Variants in RSAD2 observed in about 807,000 individuals in gnomAD.
RSAD2 encodes S-adenosylmethionine-dependent nucleotide dehydratase RSAD2.
A neutral mutation model predicts 37.7 loss-of-function variants in RSAD2; 38 were observed. The ratio of observed to expected loss-of-function variants is 1.01; its 90% CI spans 0.78 to 1.32. The LOEUF is 1.32. Ranked by LOEUF, RSAD2 falls within the 40% of genes most tolerant of loss-of-function variation. The pLI is 0.00. For missense variants in RSAD2, 428 were observed against 437.5 expected (o/e 0.98, Z 0.19); for synonymous variants, 163 against 157.4 (o/e 1.04, Z -0.27).
chr2:6,865,912 G>A, exon 1 of RSAD2: 1 of 1,407,576 alleles, frequency 7.1e-7, no homozygotes, highest in African/African-American at 1.5e-5. Flanking sequence ...AGATGTGCGC[G>A]ATAAACGGCC....
upstream of RSAD2, chr2:6,877,084 CG>C (rs1663295420): frequency 6.6e-6 from 1 of 152,148 alleles, no homozygotes; most frequent in South Asian, 2.1e-4. Context: ...AATGATGTGT[CG>C]CAGTAATTCT....
At chr2:6,879,735 C>T (rs905445524) in intron 1 of RSAD2, among the ~76,000 whole-genome samples, 1 of 151,950 alleles carries the variant, frequency 6.6e-6, no homozygotes. Flanking sequence ...ATTTTACCCT[C>T]CTGTGTGTCT....
chr2:6,883,573 A>G (rs999152729), intron 2 of RSAD2, 41 bp downstream of exon 2: 2 of 1,604,366 alleles, frequency 1.2e-6, no homozygotes, highest in African/African-American at 2.7e-5. Flanking sequence ...TGCTATTGCT[A>G]TTTTTATTGT....
chr2:6,890,007 A>C (rs1350965620), intron 3 of RSAD2, among the ~76,000 whole-genome samples, 169 bp from the exon 4 acceptor site: 1 of 152,190 alleles, frequency 6.6e-6, no homozygotes, highest in Non-Finnish European at 1.5e-5. Context: ...CATATTCCTA[A>C]ATTTCAGGGC....
intron 3 of RSAD2, 97 bp from the exon 4 acceptor site, chr2:6,890,079 T>G (rs753951385): frequency 1.7e-6 from 2 of 1,167,942 alleles, no homozygotes; most frequent in Non-Finnish European, 2.5e-6. Context: ...AGAGTCTCTT[T>G]GCTCAGAAGA....
Position 6,879,153 on chromosome 2 carries a change from G to A in RSAD2, c.346+1007G>A, listed in dbSNP as rs150114991. On this transcript the variant is annotated intron_variant, in intron 1 of 5. Transcript: ENST00000382040. ...ATTGGATCTGACTTCTTTGCTCCACGTTACATTGGCTTAGTTACCCAAAGC... is the reference window on the plus strand; with the variant it reads ...ATTGGATCTGACTTCTTTGCTCCACATTACATTGGCTTAGTTACCCAAAGC... 4.8e-4 allele frequency: 211 copies of A among 438,276 alleles called. 3 individuals are homozygous for A. The East Asian group carries it at 0.014, about 29-fold the overall frequency. The allele number at this position is 438,276 out of a possible 1,614,324, so 27.1% of individuals were successfully genotyped here.
chr2:6,871,418 T>TTTATG (rs1446273714), intron 1 of RSAD2, among the ~76,000 whole-genome samples: 3 of 152,258 alleles, frequency 2.0e-5, no homozygotes, highest in Non-Finnish European at 4.4e-5. Flanking sequence ...ATTCCTGTGA[T>TTTATG]TTATGTTACT....
chr2:6,879,615 G>A (rs1397133774), intron 1 of RSAD2, among the ~76,000 whole-genome samples: 1 of 151,708 alleles, frequency 6.6e-6, no homozygotes, highest in African/African-American at 2.4e-5. Context: ...TCACTTATGA[G>A]CTTATAGCAG....
intron 2 of RSAD2, among the ~76,000 whole-genome samples, chr2:6,884,280 G>T (rs1157614335): frequency 6.6e-6 from 1 of 152,196 alleles, no homozygotes; most frequent in African/African-American, 2.4e-5. Flanking sequence ...GACTGTGGGG[G>T]AGGGACGCTG....
rs762527487 is a variant in RSAD2 at position 6,877,819 on chromosome 2, G to C, written c.19G>C (p.Ala7Pro). MWVLTPAAFAGKLLSVF... is the reference protein window; with the variant it reads MWVLTPPAFAGKLLSVF... ...TGCCACAATGTGGGTGCTTACACCT[G>C]CTGCTTTTGCTGGGAAGCTCTTGAG... Residue 7 changes from alanine to proline, a missense_variant, in exon 1 of 6, where the codon GCT becomes CCT. Physicochemically the swap from Ala to Pro is conservative, Grantham distance 27 (BLOSUM62 -1). Coordinates refer to ENST00000382040, the MANE Select transcript of RSAD2 (RefSeq NM_080657.5). The C allele has an allele frequency of 2.2e-5, 36 of 1,613,748 alleles. No homozygotes were observed. The highest frequency in any genetic ancestry group is 8.0e-5 in the African/African-American group (6 of 74,898).
At chr2:6,885,985 A>C (rs1663509753) in intron 2 of RSAD2, among the ~76,000 whole-genome samples, 1 of 152,240 alleles carries the variant, frequency 6.6e-6, no homozygotes, top group Non-Finnish European at 1.5e-5. Flanking sequence ...AAATTAGCCC[A>C]AAATAGGAGT....
At chr2:6,874,461 C>T (rs1463131522), upstream of RSAD2, among the ~76,000 whole-genome samples, 1 of 152,152 alleles carries the variant, frequency 6.6e-6, no homozygotes, top group Non-Finnish European at 1.5e-5. Context: ...GCAATTATTT[C>T]TACATTATTT....
chr2:6,884,639 G>A (rs988414884), intron 2 of RSAD2, among the ~76,000 whole-genome samples: 17 of 152,294 alleles, frequency 1.1e-4, no homozygotes, highest in African/African-American at 4.1e-4. Context: ...AATCTCTCAG[G>A]CTTGTGGGAG....
intron 1 of RSAD2, among the ~76,000 whole-genome samples, chr2:6,872,605 C>T (rs1432016643): frequency 6.6e-6 from 1 of 152,016 alleles, no homozygotes; most frequent in East Asian, 1.9e-4. Flanking sequence ...TTTTGTCTTA[C>T]AGTAAAATGA....
chr2:6,879,159 T>C (rs1397701834), intron 1 of RSAD2: 2 of 434,988 alleles, frequency 4.6e-6, no homozygotes, highest in Non-Finnish European at 9.5e-6. Context: ...CCACGTTACA[T>C]TGGCTTAGTT....
At chr2:6,883,240 T>G in intron 1 of RSAD2, 131 bp from the exon 2 acceptor site, 1 of 961,114 alleles carries the variant, frequency 1.0e-6, no homozygotes, top group Middle Eastern at 3.4e-4. Context: ...TGTTGGGAAC[T>G]AGGGTTAGGG....
At chr2:6,894,774 A>G (rs1400684393) in intron 5 of RSAD2, among the ~76,000 whole-genome samples, 1 of 152,268 alleles carries the variant, frequency 6.6e-6, no homozygotes, top group African/African-American at 2.4e-5. Context: ...AAGTTAACCA[A>G]TCATTGTTTA....
At chr2:6,880,946 T>C (rs142279988) in intron 1 of RSAD2, among the ~76,000 whole-genome samples, 102 of 152,246 alleles carry the variant, frequency 6.7e-4, no homozygotes, top group African/African-American at 2.1e-3. Flanking sequence ...CTGAATAGAA[T>C]TAAAAATAAT....
intron 3 of RSAD2, among the ~76,000 whole-genome samples, chr2:6,889,122 T>G (rs1415702339): frequency 6.6e-6 from 1 of 152,142 alleles, no homozygotes; most frequent in East Asian, 1.9e-4. Flanking sequence ...GGAGTCAAAG[T>G]CCCTGGAAAA....
Sources: gnomAD v4.1 joint callset for allele counts (sites outside exome capture counted in the v4.1 genomes callset) on GRCh38, gnomAD v4.1.1 for gene constraint, MANE v1.5 for transcripts, NCBI Gene and HGNC (gene_info 2026-07-23, HGNC 2026-07-21) for gene names.